The following HIVEP2 variants were observed in gnomAD, a reference collection of about 807,000 sequenced individuals.
HIVEP2 encodes transcription factor HIVEP2.
HIVEP2 carries 14 observed loss-of-function variants against 180.7 expected under a neutral mutation model. The observed-to-expected ratio is 0.08, with a 90% CI of 0.05 to 0.12. HIVEP2 has a LOEUF of 0.12. Among genes scored for constraint, HIVEP2 ranks in the 10% least tolerant of loss-of-function variants. HIVEP2 has a pLI of 1.00. For synonymous variants in HIVEP2, 1,184 were observed against 1,136.4 expected (o/e 1.04, Z -0.84); for missense variants, 2,579 against 3,008.5 (o/e 0.86, Z 3.34).
intron 2 of HIVEP2, among the ~76,000 whole-genome samples, chr6:142,807,546 G>A (rs1776584348): frequency 2.0e-5 from 3 of 152,192 alleles, no homozygotes; most frequent in South Asian, 2.1e-4. Flanking sequence ...TCATATAAAT[G>A]GCTGGATACC....
At chr6:142,909,585 G>A (rs1247540286) in intron 1 of HIVEP2, among the ~76,000 whole-genome samples, 1 of 150,518 alleles carries the variant, frequency 6.6e-6, no homozygotes, top group East Asian at 2.0e-4. Context: ...TATCTAAAAT[G>A]CAAAAAAACC....
At chr6:142,873,210 G>A (rs890061809) in intron 1 of HIVEP2, among the ~76,000 whole-genome samples, 27 of 152,192 alleles carry the variant, frequency 1.8e-4, no homozygotes, top group African/African-American at 6.5e-4. Flanking sequence ...TCTCCTGTGC[G>A]AAGCCACAGC....
At chr6:142,832,794 G>A (rs1379801491) in intron 2 of HIVEP2, among the ~76,000 whole-genome samples, 1 of 152,196 alleles carries the variant, frequency 6.6e-6, no homozygotes, top group Non-Finnish European at 1.5e-5. Flanking sequence ...CTCAGATCAG[G>A]GAAGTGATTG....
At chr6:142,769,421 T>C in intron 5 of HIVEP2, 131 bp downstream of exon 5, 1 of 768,292 alleles carries the variant, frequency 1.3e-6, no homozygotes, top group Admixed American at 2.9e-5. Context: ...AGGCCAGACT[T>C]TCTGAAAACG....
In HIVEP2 at chr6:142,913,600, C is replaced by T. The variant is rs369996824; in HGVS notation, c.-641+31499G>A. On this transcript the variant is annotated intron_variant, in intron 1 of 9. Coordinates refer to ENST00000367603, the MANE Select transcript of HIVEP2 (RefSeq NM_006734.4). ...AGGTGTCTACAGGGCCACCATAGACCAGAGGAAAGGTAAAACACGGGAAAT... is the reference window on the plus strand; with the variant it reads ...AGGTGTCTACAGGGCCACCATAGACTAGAGGAAAGGTAAAACACGGGAAAT... Among the ~76,000 whole-genome samples, 5 of 152,238 alleles carry T rather than the reference C, an allele frequency of 3.3e-5. No homozygotes were observed. The East Asian group carries it at 9.6e-4, about 29-fold the overall frequency.
intron 1 of HIVEP2, among the ~76,000 whole-genome samples, chr6:142,850,557 T>G (rs567065557): frequency 6.6e-6 from 1 of 152,304 alleles, no homozygotes; most frequent in East Asian, 1.9e-4. Context: ...TGAAACAGAT[T>G]TAAAATCAAT....
At chr6:142,862,045 C>T (rs1466075550) in intron 1 of HIVEP2, among the ~76,000 whole-genome samples, 1 of 152,078 alleles carries the variant, frequency 6.6e-6, no homozygotes, top group African/African-American at 2.4e-5. Flanking sequence ...GAAATTTAGG[C>T]TTATAAAGTT....
Position 142,769,806 on chromosome 6 carries a change from T to G in HIVEP2, c.4933A>C (p.Thr1645Pro), listed in dbSNP as rs181431283. ...ILQFPSLRTT[T>P]TVSWCFLNYT... ...TTCAAGAAGCACCAACTCACAGTAG[T>G]TGTTGTCCGCAGACTGGGGAACTGA... The change falls in exon 5 of 10, where the codon ACT becomes CCT. Residue 1645 changes from threonine (T) to proline (P), a missense_variant. By Grantham distance (38) the Thr-to-Pro change is conservative (BLOSUM62 -1). This residue lies in a region of HIVEP2 where 349 missense variants were observed against 367.2 expected (regional missense o/e 0.95). Coordinates refer to ENST00000367603, the MANE Select transcript of HIVEP2 (RefSeq NM_006734.4). The G allele has an allele frequency of 3.1e-6, 5 of 1,614,206 alleles. No individual in the cohort carries two copies. The highest frequency in any genetic ancestry group is 4.2e-6 in the Non-Finnish European group (5 of 1,180,044).
intron 1 of HIVEP2, among the ~76,000 whole-genome samples, chr6:142,942,218 T>TAAC (rs1322293940): frequency 6.6e-6 from 1 of 152,134 alleles, no homozygotes; most frequent in Non-Finnish European, 1.5e-5. Flanking sequence ...GTACTTGTTA[T>TAAC]AATTCAAAAG....
chr6:142,910,430 A>C (rs1374735810), intron 1 of HIVEP2, among the ~76,000 whole-genome samples: 1 of 152,056 alleles, frequency 6.6e-6, no homozygotes, highest in Non-Finnish European at 1.5e-5. Context: ...GTGAAACCCC[A>C]TCTCTACTAA....
chr6:142,763,022 G>A (rs527301626), intron 7 of HIVEP2, among the ~76,000 whole-genome samples: 1 of 152,248 alleles, frequency 6.6e-6, no homozygotes, highest in South Asian at 2.1e-4. Flanking sequence ...GTGCAAGTAC[G>A]CTATGGATGT....
chr6:142,883,158 C>T (rs1185460477), intron 1 of HIVEP2, among the ~76,000 whole-genome samples: 1 of 151,966 alleles, frequency 6.6e-6, no homozygotes, highest in Non-Finnish European at 1.5e-5. Context: ...TGGAATTTCA[C>T]AGTCCTGAAG....
chr6:142,829,840 C>T (rs1486529572), intron 2 of HIVEP2, among the ~76,000 whole-genome samples: 3 of 152,242 alleles, frequency 2.0e-5, no homozygotes, highest in Non-Finnish European at 1.5e-5. Flanking sequence ...AGCTCTGCTA[C>T]AGCCAATGAA....
intron 1 of HIVEP2, among the ~76,000 whole-genome samples, chr6:142,899,907 T>G (rs1279750032): frequency 6.6e-6 from 1 of 152,210 alleles, no homozygotes; most frequent in African/African-American, 2.4e-5. Context: ...GTGGAGAGAA[T>G]CACTGATACT....
chr6:142,876,225 A>C (rs371766405), intron 1 of HIVEP2, among the ~76,000 whole-genome samples: 1 of 152,176 alleles, frequency 6.6e-6, no homozygotes, highest in Non-Finnish European at 1.5e-5. Context: ...AACTTAAGAC[A>C]GTTAGTAAAG....
intron 1 of HIVEP2, among the ~76,000 whole-genome samples, chr6:142,885,320 C>G (rs1337149138): frequency 6.6e-6 from 1 of 152,012 alleles, no homozygotes; most frequent in African/African-American, 2.4e-5. Context: ...CCCTCCCTTC[C>G]CCTCCTTCTC....
chr6:142,768,293 A>G (rs1254357646), intron 6 of HIVEP2, 89 bp downstream of exon 6: 1 of 1,250,832 alleles, frequency 8.0e-7, no homozygotes, highest in East Asian at 2.4e-5. Flanking sequence ...TTTCAACCAG[A>G]TTAGACAGTA....
intron 1 of HIVEP2, among the ~76,000 whole-genome samples, chr6:142,925,712 C>G (rs1264209290): frequency 2.6e-5 from 4 of 152,214 alleles, no homozygotes; most frequent in Non-Finnish European, 5.9e-5. Context: ...GGCAACACTA[C>G]TGAAAGCATA....
At chr6:142,795,669 G>T (rs1055160572) in intron 2 of HIVEP2, among the ~76,000 whole-genome samples, 15 of 152,120 alleles carry the variant, frequency 9.9e-5, no homozygotes, top group African/African-American at 3.1e-4. Flanking sequence ...ACAATATAGA[G>T]AAGAAAATGT....
Sources: gnomAD v4.1 joint callset for allele counts (sites outside exome capture counted in the v4.1 genomes callset) on GRCh38, gnomAD v4.1.1 for gene constraint, gnomAD v4.1.1 regional missense constraint, MANE v1.5 for transcripts, NCBI Gene and HGNC (gene_info 2026-07-23, HGNC 2026-07-21) for gene names.